The following ZNF354B variants were observed in gnomAD, a reference collection of about 807,000 sequenced individuals.
The protein encoded by ZNF354B is zinc finger protein 354B.
In ZNF354B, 10 loss-of-function variants were observed where a neutral mutation model predicts 12.9. The ratio of observed to expected loss-of-function variants is 0.77; its 90% CI spans 0.48 to 1.31. ZNF354B has a LOEUF of 1.31. Among genes scored for constraint, ZNF354B ranks in the 40% most tolerant of loss-of-function variants. ZNF354B has a pLI of 0.00. For missense variants in ZNF354B, 614 were observed against 711.7 expected, an observed-to-expected ratio of 0.86 and a Z score of 1.56; for synonymous variants, 260 against 243.7, an observed-to-expected ratio of 1.07 and a Z score of -0.62.
In ZNF354B at chr5:178,860,064, T is replaced by A. The variant is rs1757320817; in HGVS notation, c.-115T>A. The A allele has an allele frequency of 6.6e-6, 1 of 152,470 alleles. No homozygotes were observed. Among genetic ancestry groups the A allele is most frequent in the African/African-American group, 2.4e-5 (1 of 41,472 alleles). The allele number at this position is 152,470 out of a possible 1,614,324, so 9.4% of individuals were successfully genotyped here. A position where few individuals can be genotyped will look rare whatever the true frequency, so the allele number is the denominator to read the frequency against. The stretch of plus-strand genomic sequence containing the variant: ...CGTCGGAGGAGCCGGGTCACGAGGC[T>A]GGAGCTTCCTGCTTGCAGAGTGCGG... On this transcript the variant is annotated 5_prime_UTR_variant, in exon 1 of 5. Coordinates refer to ENST00000322434, the MANE Select transcript of ZNF354B (RefSeq NM_058230.3).
At chr5:178,861,493 C>T (rs1371699742) in intron 2 of ZNF354B, among the ~76,000 whole-genome samples, 2 of 152,166 alleles carry the variant, frequency 1.3e-5, no homozygotes, top group Non-Finnish European at 2.9e-5. Context: ...TCCAACGCAT[C>T]GTTGTTAGTT....
chr5:178,867,524 T>C (rs1751206091), intron 4 of ZNF354B, among the ~76,000 whole-genome samples: 3 of 152,182 alleles, frequency 2.0e-5, no homozygotes, highest in Admixed American at 2.0e-4. Flanking sequence ...AGGAATCATA[T>C]GGTCCTTGGT....
At chr5:178,868,744 G>A (rs1757505777) in intron 4 of ZNF354B, among the ~76,000 whole-genome samples, 1 of 152,052 alleles carries the variant, frequency 6.6e-6, no homozygotes, top group African/African-American at 2.4e-5. Flanking sequence ...AGGCCGAGGC[G>A]GGCAGATCAC....
chr5:178,872,864 G>T (rs1757584325), intron 4 of ZNF354B, among the ~76,000 whole-genome samples: 2 of 152,030 alleles, frequency 1.3e-5, no homozygotes, highest in Admixed American at 6.6e-5. Flanking sequence ...TCAGCTCATT[G>T]CAATGTCTGA....
At chr5:178,873,954 C>CTTT (rs34448849) in intron 4 of ZNF354B, among the ~76,000 whole-genome samples, 3 of 132,974 alleles carry the variant, frequency 2.3e-5, no homozygotes, top group African/African-American at 8.4e-5. Context: ...TTTTTTTTTT[C>CTTT]TTTTTTTTTT....
chr5:178,874,243 C>T (rs992431841), intron 4 of ZNF354B, among the ~76,000 whole-genome samples: 16 of 152,182 alleles, frequency 1.1e-4, no homozygotes, highest in Admixed American at 1.0e-3. Flanking sequence ...AGGCATGAGC[C>T]ACCATGCCTG....
chr5:178,869,327 C>CT (rs1298290258), intron 4 of ZNF354B, among the ~76,000 whole-genome samples: 27 of 150,786 alleles, frequency 1.8e-4, no homozygotes, highest in African/African-American at 3.6e-4. Flanking sequence ...ATAGCTTGAA[C>CT]TTTTTTTTTT....
At chr5:178,860,434 C>T (rs148064609) in intron 1 of ZNF354B, among the ~76,000 whole-genome samples, 6,320 of 152,202 alleles carry the variant, frequency 0.042, 214 homozygotes, top group African/African-American at 0.093. Context: ...AGGGCAGAGG[C>T]AGCCGGGCCC....
chr5:178,867,091 TGCTCGGGAATG>T lies in ZNF354B; in HGVS notation c.256+23_256+33del. 1 of 1,599,520 alleles carries T rather than the reference TGCTCGGGAATG, an allele frequency of 6.3e-7. No homozygotes were observed. Among genetic ancestry groups the T allele is most frequent in the Non-Finnish European group, 8.6e-7 (1 of 1,168,518 alleles). On this transcript the variant is annotated intron_variant, in intron 4 of 4. Transcript: ENST00000322434. The stretch of plus-strand genomic sequence containing the variant: ...CTCTAGGTAAGTGGGTGGCCCGAGG[TGCTCGGGAATG>T]GCCGCAGACAATGGTCTGGTTAATG...
chr5:178,868,443 G>A (rs1003788302), intron 4 of ZNF354B, among the ~76,000 whole-genome samples: 1 of 151,016 alleles, frequency 6.6e-6, no homozygotes, highest in Non-Finnish European at 1.5e-5. Flanking sequence ...CCACAGCTTT[G>A]TATAGCATTG....
intron 2 of ZNF354B, among the ~76,000 whole-genome samples, chr5:178,864,032 A>G (rs150623474): frequency 8.5e-5 from 13 of 152,358 alleles, no homozygotes; most frequent in Admixed American, 4.6e-4. Context: ...TAAAAGTTAC[A>G]GTAAGCTAAG....
chr5:178,884,040 T>A lies in ZNF354B; in HGVS notation c.1588T>A (p.Ser530Thr), dbSNP rs751837993. ...ATATCGATGTTTAGAATGTGGGATG[T>A]CTTTTGGCCAAAGTGCAGCTCTTAT... ...KPYRCLECGM[S>T]FGQSAALIQH... The change falls in exon 5 of 5, where the codon TCT becomes ACT. Residue 530 changes from serine to threonine, a missense_variant. Ser to Thr is a moderately conservative substitution (Grantham distance 58). Coordinates refer to ENST00000322434, the MANE Select transcript of ZNF354B (RefSeq NM_058230.3). The A allele has an allele frequency of 3.3e-5, 54 of 1,614,126 alleles. No individual in the cohort carries two copies. Among genetic ancestry groups the A allele is most frequent in the Middle Eastern group, 1.7e-4 (1 of 6,060 alleles).
chr5:178,884,209 T>A lies in ZNF354B; in HGVS notation c.1757T>A (p.Leu586His). Residue 586 changes from leucine (L) to histidine (H), a missense_variant, in exon 5 of 5, where the codon CTC becomes CAC. Physicochemically the swap from Leu to His is moderately conservative, Grantham distance 99. Transcript: ENST00000322434. ...KPYECNACGK[L>H]FSQRSSLTNH... ...TATGAATGTAATGCATGTGGGAAAC[T>A]CTTTAGCCAGAGGTCATCCCTTACT... The A allele has an allele frequency of 6.2e-7, 1 of 1,613,914 alleles. No homozygotes were observed. The highest frequency in any genetic ancestry group is 1.1e-5 in the South Asian group (1 of 91,062).
chr5:178,875,031 T>C (rs1160343637), intron 4 of ZNF354B, among the ~76,000 whole-genome samples: 2 of 152,188 alleles, frequency 1.3e-5, no homozygotes, highest in African/African-American at 2.4e-5. Context: ...GGCTGTGGTC[T>C]GGTAGATGGG....
At chr5:178,882,030 T>G (rs1351474305) in intron 4 of ZNF354B, among the ~76,000 whole-genome samples, 1 of 152,196 alleles carries the variant, frequency 6.6e-6, no homozygotes, top group Non-Finnish European at 1.5e-5. Context: ...TTCTTCAGCA[T>G]AGCAGAAATA....
intron 4 of ZNF354B, among the ~76,000 whole-genome samples, chr5:178,877,261 T>C (rs1757652081): frequency 6.6e-6 from 1 of 151,994 alleles, no homozygotes. Flanking sequence ...CCTCCACCTT[T>C]TGGGTTTAAG....
At chr5:178,867,652 C>T (rs1757483712) in intron 4 of ZNF354B, among the ~76,000 whole-genome samples, 2 of 152,138 alleles carry the variant, frequency 1.3e-5, no homozygotes, top group Non-Finnish European at 1.5e-5. Context: ...AAACAAGAGT[C>T]CAGGGACGTG....
intron 4 of ZNF354B, among the ~76,000 whole-genome samples, chr5:178,875,821 G>GC (rs1488669048): frequency 9.9e-5 from 15 of 152,242 alleles, no homozygotes; most frequent in Non-Finnish European, 1.5e-4. Context: ...ACTGAGGGCA[G>GC]CAGGTGTAGG....
intron 1 of ZNF354B, chr5:178,860,569 T>G (rs939805782): frequency 1.1e-5 from 2 of 189,090 alleles, no homozygotes; most frequent in African/African-American, 4.8e-5. Context: ...AGGAACCGGC[T>G]GGGAAAGGCT....
Sources: allele counts gnomAD v4.1 joint callset (sites outside exome capture counted in the v4.1 genomes callset), GRCh38; gene constraint gnomAD v4.1.1; transcripts MANE v1.5; gene names NCBI Gene and HGNC (gene_info 2026-07-23, HGNC 2026-07-21).